The following TMPRSS6 variants were observed in gnomAD, a reference collection of about 807,000 sequenced individuals.
The protein encoded by TMPRSS6 is transmembrane serine protease 6.
TMPRSS6 carries 67 observed loss-of-function variants against 101.5 expected under a neutral mutation model. That is an observed-to-expected ratio of 0.66 (90% confidence interval 0.54 to 0.81). The LOEUF (loss-of-function observed/expected upper bound fraction) is 0.81, where lower values mean the gene tolerates loss of function less well. Ranked by LOEUF, TMPRSS6 falls within the 30% of genes least tolerant of loss-of-function variation. The pLI, the probability that TMPRSS6 is intolerant of heterozygous loss-of-function variation, is 0.00. For missense variants in TMPRSS6, 1,034 were observed against 1,088.7 expected, an observed-to-expected ratio of 0.95 and a Z score of 0.71; for synonymous variants, 453 against 464.9, an observed-to-expected ratio of 0.97 and a Z score of 0.33.
At position 37,095,716 on chromosome 22, in the gene TMPRSS6, ATGC is replaced by A. The variant is rs2146151232; in HGVS notation, c.590-127_590-125del. ...CAGCCTTGTCTGAGATTTACCCTAA[ATGC>A]CCCCATCCCACCCTTCTTTCCTGGC... On this transcript the variant is annotated intron_variant, in intron 5 of 17. Transcript: ENST00000676104. 2.5e-6 allele frequency: 3 copies of A among 1,224,268 alleles called. No homozygotes were observed. In the South Asian group the frequency reaches 4.0e-5, roughly 16 times the overall value. The allele number at this position is 1,224,268 out of a possible 1,614,324, so 75.8% of individuals were successfully genotyped here.
intron 10 of TMPRSS6, among the ~76,000 whole-genome samples, chr22:37,078,779 GAGGAGA>G (rs1330473904): frequency 2.0e-5 from 3 of 148,868 alleles, no homozygotes; most frequent in African/African-American, 7.5e-5. Context: ...GGAGAAGGAG[GAGGAGA>G]AGAAGAAGGA....
rs1930503384 is a variant in TMPRSS6 at position 37,103,438 on chromosome 22, A to G, written c.-1-20T>C. The G allele has an allele frequency of 6.2e-7, 1 of 1,614,088 alleles. No individual in the cohort carries two copies. The highest frequency in any genetic ancestry group is 1.3e-5 in the African/African-American group (1 of 74,942). On this transcript the variant is annotated intron_variant, in intron 1 of 17. Transcript: ENST00000676104. This position sits in a 1 kb window ranked among gnomAD's most constrained non-coding sequence, Gnocchi z 4.4. ...GGCATCCTGCCAGGGAAACAGACCAAAGTTGGAAACAGCCTCGCATTTGCA... is the reference window on the plus strand; with the variant it reads ...GGCATCCTGCCAGGGAAACAGACCAGAGTTGGAAACAGCCTCGCATTTGCA...
intron 11 of TMPRSS6, 35 bp from the exon 12 acceptor site, chr22:37,074,743 G>A: frequency 6.2e-7 from 1 of 1,606,860 alleles, no homozygotes; most frequent in Admixed American, 1.7e-5. Flanking sequence ...AGGCAGGCAG[G>A]GCGCCATTAG....
intron 7 of TMPRSS6, among the ~76,000 whole-genome samples, chr22:37,087,762 G>C (rs187074691): frequency 1.3e-5 from 2 of 152,242 alleles, no homozygotes; most frequent in East Asian, 3.9e-4. Context: ...TATTAGGATG[G>C]AAGAGACCTG....
At chr22:37,102,279 T>C (rs1308356573) in intron 2 of TMPRSS6, among the ~76,000 whole-genome samples, 6 of 152,220 alleles carry the variant, frequency 3.9e-5, no homozygotes, top group Admixed American at 3.9e-4. Context: ...ATGCTATGCT[T>C]TAGCGTAAAT....
chr22:37,108,372 G>A (rs953219643), intron 1 of TMPRSS6, among the ~76,000 whole-genome samples: 11 of 152,180 alleles, frequency 7.2e-5, no homozygotes, highest in Admixed American at 6.5e-4. Context: ...TGCCCCTCGC[G>A]ATGTGCAGCT....
At chr22:37,086,470 G>T in intron 7 of TMPRSS6, 51 bp from the exon 8 acceptor site, 1 of 1,549,602 alleles carries the variant, frequency 6.5e-7, no homozygotes, top group Admixed American at 2.0e-5. Flanking sequence ...GGAGGGGAGT[G>T]GCAGGGAGGG....
At chr22:37,105,586 G>C (rs1050590256) in intron 1 of TMPRSS6, among the ~76,000 whole-genome samples, 28 of 152,326 alleles carry the variant, frequency 1.8e-4, no homozygotes, top group African/African-American at 5.8e-4. Context: ...GGATTGGGAA[G>C]ATCCCAGGTG....
At chr22:37,080,761 C>G (rs904824629) in intron 10 of TMPRSS6, among the ~76,000 whole-genome samples, 1 of 152,262 alleles carries the variant, frequency 6.6e-6, no homozygotes, top group Non-Finnish European at 1.5e-5. Flanking sequence ...GCTGGGACTT[C>G]CCAGGCCGCT....
At chr22:37,090,646 T>C (rs1165917400) in intron 6 of TMPRSS6, among the ~76,000 whole-genome samples, 2 of 152,206 alleles carry the variant, frequency 1.3e-5, no homozygotes, top group Non-Finnish European at 2.9e-5. Context: ...TTGTGTCCAT[T>C]GCACAGACCT....
intron 8 of TMPRSS6, 43 bp from the exon 9 acceptor site, chr22:37,084,882 C>T (rs540544744): frequency 6.8e-7 from 1 of 1,477,916 alleles, no homozygotes; most frequent in Non-Finnish European, 9.2e-7. Context: ...CCCCTGGCTG[C>T]ACCTCCCAGC....
chr22:37,074,553 G>T, intron 12 of TMPRSS6, 57 bp downstream of exon 12: 3 of 1,523,166 alleles, frequency 2.0e-6, no homozygotes, highest in Non-Finnish European at 2.7e-6. Flanking sequence ...AGCAGGAAAG[G>T]TGAGGAAGGA....
chr22:37,092,949 TG>T (rs1929403069), intron 6 of TMPRSS6, among the ~76,000 whole-genome samples: 1 of 152,218 alleles, frequency 6.6e-6, no homozygotes, highest in South Asian at 2.1e-4. Context: ...CCACTGCCTC[TG>T]GGGCCTCTAT....
In TMPRSS6 at chr22:37,084,282, G is replaced by A. The variant is rs1928501535; in HGVS notation, c.1196+13C>T. ...GGAGGAAAGGAAGCCAGAGGGAGGAGAGGAAGTGGTACCTCCTGTTCTGGA... is the reference window on the plus strand; with the variant it reads ...GGAGGAAAGGAAGCCAGAGGGAGGAAAGGAAGTGGTACCTCCTGTTCTGGA... On this transcript the variant is annotated intron_variant, in intron 10 of 17. Transcript: ENST00000676104. The A allele has an allele frequency of 1.2e-6, 2 of 1,600,334 alleles. No individual in the cohort carries two copies. The highest frequency in any genetic ancestry group is 8.6e-7 in the Non-Finnish European group (1 of 1,168,614).
At chr22:37,109,381 G>C (rs1368585812) in intron 1 of TMPRSS6, 122 bp downstream of exon 1, 3 of 152,392 alleles carry the variant, frequency 2.0e-5, no homozygotes, top group African/African-American at 7.2e-5. Context: ...GGCCCTGCAG[G>C]CCTGGCCTCG....
chr22:37,095,629 C>CAAAAAAAAAAAAAA (rs548945502), intron 5 of TMPRSS6, 37 bp from the exon 6 acceptor site: 22 of 1,177,170 alleles, frequency 1.9e-5, no homozygotes, highest in Middle Eastern at 2.7e-4. Context: ...TAAACAAGAA[C>CAAAAAAAAAAAAAA]AAAAAAAAAA....
At chr22:37,108,910 A>G (rs370865315) in intron 1 of TMPRSS6, among the ~76,000 whole-genome samples, 2 of 152,138 alleles carry the variant, frequency 1.3e-5, no homozygotes, top group East Asian at 3.8e-4. Flanking sequence ...TTCCACACAT[A>G]TAAACACACT....
intron 6 of TMPRSS6, among the ~76,000 whole-genome samples, chr22:37,094,251 C>A (rs1458986028): frequency 6.6e-6 from 1 of 152,096 alleles, no homozygotes; most frequent in East Asian, 1.9e-4. Flanking sequence ...AATAAGCTGT[C>A]AATGATTTTA....
chr22:37,086,047 G>A (rs1302259466), intron 8 of TMPRSS6, among the ~76,000 whole-genome samples: 1 of 147,170 alleles, frequency 6.8e-6, no homozygotes, highest in Non-Finnish European at 1.5e-5. Context: ...GCGATGCCAG[G>A]AAGACAGAGA....
Sources: gnomAD v4.1 joint callset for allele counts (sites outside exome capture counted in the v4.1 genomes callset) on GRCh38, gnomAD v4.1.1 for gene constraint, Gnocchi (gnomAD v3.1) non-coding constraint, MANE v1.5 for transcripts, NCBI Gene and HGNC (gene_info 2026-07-23, HGNC 2026-07-21) for gene names.